ARID3A: variants seen among roughly 807,000 people sequenced by gnomAD.
The protein encoded by ARID3A is AT-rich interactive domain-containing protein 3A.
ARID3A carries 11 observed loss-of-function variants against 52.7 expected under a neutral mutation model. The observed-to-expected ratio is 0.21, with a 90% CI of 0.13 to 0.35. ARID3A has a LOEUF of 0.35. ARID3A is among the 10% of genes least tolerant of loss of function. ARID3A has a pLI of 1.00. For missense variants in ARID3A, 721 were observed against 838.5 expected, an observed-to-expected ratio of 0.86 and a Z score of 1.73; for synonymous variants, 404 against 359.4, an observed-to-expected ratio of 1.12 and a Z score of -1.40.
intron 3 of ARID3A, among the ~76,000 whole-genome samples, chr19:943,335 G>A (rs984792565): frequency 1.3e-5 from 2 of 151,766 alleles, no homozygotes; most frequent in Non-Finnish European, 2.9e-5. Context: ...TTGGGAGGCC[G>A]AGGAGGGCGG....
In ARID3A at chr19:942,184, C is replaced by T. The variant is rs35859530; in HGVS notation, c.693+9442C>T. On this transcript the variant is annotated intron_variant, in intron 3 of 8. Coordinates refer to ENST00000263620, the MANE Select transcript of ARID3A (RefSeq NM_005224.3). The surrounding 1 kb of genome is among the most constrained non-coding windows in gnomAD (Gnocchi z 8.1). ...GCTGGGGGTGCACCCCCACCCTCTC[C>T]GACCCCGAGGAGCTGCCGGCAGAGC... Among the ~76,000 whole-genome samples the T allele has an allele frequency of 0.12, 18,515 of 152,016 alleles. 1,220 individuals are homozygous for T. Among genetic ancestry groups the T allele is most frequent in the East Asian group, 0.27 (1,365 of 5,124 alleles).
At chr19:969,529 C>A (rs1459753570) in intron 8 of ARID3A, among the ~76,000 whole-genome samples, 1 of 151,400 alleles carries the variant, frequency 6.6e-6, no homozygotes, top group South Asian at 2.1e-4. Flanking sequence ...AGAGTGAGAT[C>A]CCGTCCTTCT....
intron 3 of ARID3A, among the ~76,000 whole-genome samples, chr19:949,902 C>T (rs970037115): frequency 5.3e-5 from 8 of 152,168 alleles, no homozygotes; most frequent in African/African-American, 1.7e-4. Flanking sequence ...GACTCCTGAC[C>T]TCAGGTGATC....
rs1599418786 is a variant in ARID3A, at chr19:960,272, T to A, written c.766+108T>A. 3 of 965,368 alleles carry A rather than the reference T, an allele frequency of 3.1e-6. No homozygotes were observed. The allele number at this position is 965,368 out of a possible 1,614,324, so 59.8% of individuals were successfully genotyped here. A position where few individuals can be genotyped will look rare whatever the true frequency, so the allele number is the denominator to read the frequency against. ...GGGGCGGTGGTGAGCACCCCGTGGC[T>A]GGAGGCATCCAAGGCTCCTAAATCG... On this transcript the variant is annotated intron_variant, in intron 4 of 8. Transcript: ENST00000263620. The surrounding 1 kb of genome is among the most constrained non-coding windows in gnomAD (Gnocchi z 4.3).
chr19:928,665 G>A (rs1396297726), intron 1 of ARID3A: 2 of 152,178 alleles, frequency 1.3e-5, no homozygotes, highest in Non-Finnish European at 2.9e-5. Flanking sequence ...TTAACCTCCT[G>A]AACTCGATTC....
chr19:958,623 G>A (rs1357561654), intron 3 of ARID3A, among the ~76,000 whole-genome samples: 1 of 152,116 alleles, frequency 6.6e-6, no homozygotes, highest in Non-Finnish European at 1.5e-5. Context: ...CATATTTCTA[G>A]TGGCTCACGC....
intron 8 of ARID3A, chr19:968,738 T>A (rs2038216968): frequency 2.2e-6 from 1 of 445,930 alleles, no homozygotes; most frequent in African/African-American, 2.0e-5. Context: ...CAGTGTGACG[T>A]TGGATGGTTC....
intron 6 of ARID3A, 65 bp from the exon 7 acceptor site, chr19:966,507 C>A: frequency 2.2e-6 from 3 of 1,344,826 alleles, no homozygotes; most frequent in Non-Finnish European, 3.0e-6. Context: ...GTGCATGTTC[C>A]TGCCTTGAGT....
Position 929,385 on chromosome 19 carries a change from ACCCTGCACT to A in ARID3A, c.-143_-135del. ...GCGGCCCCCGCCCCCGCCCCCTGCCACCCTGCACTGCCCCGGCTCCCCCGCGGCCCCCAC... is the reference window on the plus strand; with the variant it reads ...GCGGCCCCCGCCCCCGCCCCCTGCCAGCCCCGGCTCCCCCGCGGCCCCCAC... On this transcript the variant is annotated 5_prime_UTR_variant, in exon 2 of 9. Coordinates refer to ENST00000263620, the MANE Select transcript of ARID3A (RefSeq NM_005224.3). This position sits in a 1 kb window ranked among gnomAD's most constrained non-coding sequence, Gnocchi z 6.2. 1 of 316,444 alleles carries A rather than the reference ACCCTGCACT, an allele frequency of 3.2e-6. No individual in the cohort carries two copies. 19.6% of individuals were successfully genotyped at this position (316,444 alleles called of 1,614,324 possible). A position where few individuals can be genotyped will look rare whatever the true frequency, so the allele number is the denominator to read the frequency against.
In ARID3A at chr19:942,673, C is replaced by T. The variant is rs1209877448; in HGVS notation, c.693+9931C>T. On this transcript the variant is annotated intron_variant, in intron 3 of 8. Coordinates refer to ENST00000263620, the MANE Select transcript of ARID3A (RefSeq NM_005224.3). The surrounding 1 kb of genome is among the most constrained non-coding windows in gnomAD (Gnocchi z 8.1). ...GCCGCCCCTCCCACTGCCCCGCAGG[C>T]CCTGGTTCTGGCCAGGCTCAGGAAG... Among the ~76,000 whole-genome samples the T allele has an allele frequency of 1.3e-5, 2 of 152,216 alleles. No homozygotes were observed. The highest frequency in any genetic ancestry group is 2.9e-5 in the Non-Finnish European group (2 of 68,034).
intron 3 of ARID3A, among the ~76,000 whole-genome samples, chr19:937,206 G>A (rs1349357993): frequency 1.3e-5 from 2 of 152,124 alleles, no homozygotes; most frequent in East Asian, 1.9e-4. Context: ...GGAGATTGCC[G>A]TGAGCCGAGA....
At chr19:932,785 TG>T (rs1465800518) in intron 3 of ARID3A, 43 bp downstream of exon 3, 1 of 1,544,438 alleles carries the variant, frequency 6.5e-7, no homozygotes, top group Non-Finnish European at 8.7e-7. Flanking sequence ...CACCTGCTCC[TG>T]GGCCAGTGGG....
chr19:948,123 C>T (rs1000594835), intron 3 of ARID3A, among the ~76,000 whole-genome samples: 2 of 152,056 alleles, frequency 1.3e-5, no homozygotes, highest in East Asian at 1.9e-4. Context: ...CGGTCGGGGC[C>T]GCCTGTCCCC....
intron 6 of ARID3A, 21 bp downstream of exon 6, chr19:965,101 T>A: frequency 6.3e-7 from 1 of 1,582,172 alleles, no homozygotes; most frequent in East Asian, 2.3e-5. Flanking sequence ...GTATGGGGCC[T>A]GGGGCGTGTT....
rs566242422 is a variant in ARID3A at position 972,179 on chromosome 19, T to C, written c.*114T>C. On this transcript the variant is annotated 3_prime_UTR_variant, in exon 9 of 9. Transcript: ENST00000263620. ...AAGATACGGGTGGGGAGGGAAGATA[T>C]CCAGAAAGGAGCCACAGCTGACGCC... The C allele has an allele frequency of 7.7e-6, 7 of 911,194 alleles. No individual in the cohort carries two copies. In the East Asian group the frequency reaches 1.7e-4, roughly 22 times the overall value. The allele number at this position is 911,194 out of a possible 1,614,324, so 56.4% of individuals were successfully genotyped here. A position where few individuals can be genotyped will look rare whatever the true frequency, so the allele number is the denominator to read the frequency against.
chr19:968,272 T>A (rs1370965540), intron 7 of ARID3A, 133 bp from the exon 8 acceptor site: 4 of 623,522 alleles, frequency 6.4e-6, no homozygotes, highest in Non-Finnish European at 7.8e-6. Context: ...GGCAGGAGAA[T>A]GGCGTGAACC....
In ARID3A at chr19:964,177, C is replaced by A; in HGVS notation, c.767-71C>A. On this transcript the variant is annotated intron_variant, in intron 4 of 8. Coordinates refer to ENST00000263620, the MANE Select transcript of ARID3A (RefSeq NM_005224.3). This position sits in a 1 kb window ranked among gnomAD's most constrained non-coding sequence, Gnocchi z 5.7. Reference sequence around the variant, plus strand: ...GGGAGTGCTCCTGGCATGGAGAGGGCGGAGGCCAGGACACTCGGCTCCCTG... The same window carrying A: ...GGGAGTGCTCCTGGCATGGAGAGGGAGGAGGCCAGGACACTCGGCTCCCTG... 1 of 1,331,848 alleles carries A rather than the reference C, an allele frequency of 7.5e-7. No homozygotes were observed. The highest frequency in any genetic ancestry group is 1.0e-6 in the Non-Finnish European group (1 of 955,258). The allele number at this position is 1,331,848 out of a possible 1,614,324, so 82.5% of individuals were successfully genotyped here.
rs1034715932 is a variant in ARID3A at position 959,171 on chromosome 19, C to T, written c.694-921C>T. On this transcript the variant is annotated intron_variant, in intron 3 of 8. Coordinates refer to ENST00000263620, the MANE Select transcript of ARID3A (RefSeq NM_005224.3). The surrounding 1 kb of genome is among the most constrained non-coding windows in gnomAD (Gnocchi z 5.0). Reference sequence around the variant, plus strand: ...AAGACAGAGGCAGAGGCTGGAGCGACGCGGCCACAAGCCCAGGAACCTGGA... The same window carrying T: ...AAGACAGAGGCAGAGGCTGGAGCGATGCGGCCACAAGCCCAGGAACCTGGA... 7.9e-5 allele frequency among the ~76,000 whole-genome samples: 12 copies of T among 152,056 alleles called. No individual in the cohort carries two copies. Among genetic ancestry groups the T allele is most frequent in the African/African-American group, 2.7e-4 (11 of 41,402 alleles).
intron 1 of ARID3A, chr19:928,960 C>T (rs2037257997): frequency 6.6e-6 from 1 of 152,330 alleles, no homozygotes; most frequent in African/African-American, 2.4e-5. Context: ...GCCCGCTGGC[C>T]AATCACAGGC....
Sources: gnomAD v4.1 joint callset for allele counts (sites outside exome capture counted in the v4.1 genomes callset) on GRCh38, gnomAD v4.1.1 for gene constraint, Gnocchi (gnomAD v3.1) non-coding constraint, MANE v1.5 for transcripts, NCBI Gene and HGNC (gene_info 2026-07-23, HGNC 2026-07-21) for gene names.